The following ACOXL variants were observed in gnomAD, a reference collection of about 807,000 sequenced individuals.
The protein encoded by ACOXL is acyl-coenzyme A oxidase-like protein.
Under a neutral mutation model 71.9 loss-of-function variants are expected in ACOXL, and 70 were observed. That is an observed-to-expected ratio of 0.97 (90% confidence interval 0.80 to 1.19). ACOXL has a LOEUF of 1.19. Among genes scored for constraint, ACOXL ranks in the 50% most tolerant of loss-of-function variants. The probability of loss-of-function intolerance (pLI) is 0.00; values close to 1 mark genes in which losing one functional copy is unlikely to be tolerated. For missense variants in ACOXL, 703 were observed against 736.3 expected (o/e 0.95, Z 0.52); for synonymous variants, 253 against 281.6 (o/e 0.90, Z 1.02).
Position 111,060,168 on chromosome 2 carries a change from C to T in ACOXL, c.1440+10880C>T, listed in dbSNP as rs546275376. ...ACTTGGCAGTAATGAGGCCTCCCTT[C>T]CCCTCCTGCCTCACTACAGTGACAC... On this transcript the variant is annotated intron_variant, in intron 16 of 17. Coordinates refer to ENST00000439055, the MANE Select transcript of ACOXL (RefSeq NM_001142807.4). Among the ~76,000 whole-genome samples, 123 of 152,272 alleles carry T rather than the reference C, an allele frequency of 8.1e-4. 1 individual carries two copies. Among genetic ancestry groups the T allele is most frequent in the Non-Finnish European group, 1.9e-4 (13 of 68,014 alleles).
intron 10 of ACOXL, among the ~76,000 whole-genome samples, chr2:110,850,364 TAAAG>T (rs1205463023): frequency 6.6e-6 from 1 of 152,174 alleles, no homozygotes; most frequent in Non-Finnish European, 1.5e-5. Flanking sequence ...ACATATCTGA[TAAAG>T]AAGTTGTATC....
chr2:110,900,086 TACACACACACACACACACACACACACAC>T (rs60758688), intron 10 of ACOXL, among the ~76,000 whole-genome samples: 1 of 143,228 alleles, frequency 7.0e-6, no homozygotes, highest in East Asian at 2.0e-4. Context: ...CACACACACA[TACACACACACACACACACACACACACAC>T]ACACACACAC....
chr2:111,093,226 CAAAAAAAAA>C (rs551489527), intron 17 of ACOXL, among the ~76,000 whole-genome samples: 1 of 94,126 alleles, frequency 1.1e-5, no homozygotes, highest in Admixed American at 1.1e-4. Context: ...TTGTCTTGGC[CAAAAAAAAA>C]AAAAAAAAAG....
At chr2:111,089,085 G>C (rs906511036) in intron 16 of ACOXL, among the ~76,000 whole-genome samples, 6 of 152,152 alleles carry the variant, frequency 3.9e-5, no homozygotes, top group Non-Finnish European at 1.5e-5. Flanking sequence ...TGGATCACAA[G>C]GTCAAGAGAT....
chr2:110,864,133 C>G (rs974301163), intron 10 of ACOXL, among the ~76,000 whole-genome samples: 1 of 152,192 alleles, frequency 6.6e-6, no homozygotes, highest in Non-Finnish European at 1.5e-5. Flanking sequence ...CAGCAGGCGC[C>G]ATGAGAGCCA....
chr2:110,739,059 T>G (rs1440206157), intron 1 of ACOXL, among the ~76,000 whole-genome samples: 1 of 152,260 alleles, frequency 6.6e-6, no homozygotes, highest in East Asian at 1.9e-4. Context: ...TATTCTCTGC[T>G]TTGTCTCTGT....
At chr2:110,978,352 G>T in intron 12 of ACOXL, among the ~76,000 whole-genome samples, 1 of 152,164 alleles carries the variant, frequency 6.6e-6, no homozygotes, top group East Asian at 1.9e-4. Context: ...GAGCCCTCAT[G>T]GCATAATCAC....
At chr2:110,990,809 C>T (rs973325568) in intron 13 of ACOXL, among the ~76,000 whole-genome samples, 12 of 152,158 alleles carry the variant, frequency 7.9e-5, no homozygotes, top group African/African-American at 2.7e-4. Context: ...TTTTGCCGAT[C>T]ATCTAATGTT....
At chr2:111,031,557 C>T in intron 14 of ACOXL, 70 bp from the exon 15 acceptor site, 1 of 1,410,746 alleles carries the variant, frequency 7.1e-7, no homozygotes, top group East Asian at 2.3e-5. Context: ...TGTTTGCCGT[C>T]TGTCTTGCTA....
chr2:110,970,056 A>ATGT (rs978220721), intron 12 of ACOXL, among the ~76,000 whole-genome samples: 42 of 152,106 alleles, frequency 2.8e-4, no homozygotes, highest in African/African-American at 9.9e-4. Flanking sequence ...TTAAAGAAGA[A>ATGT]TGTTACTCTC....
intron 17 of ACOXL, among the ~76,000 whole-genome samples, chr2:111,096,548 C>CA (rs532689074): frequency 1.1e-3 from 169 of 152,244 alleles, no homozygotes; most frequent in Non-Finnish European, 1.7e-3. Flanking sequence ...TCATGCATGT[C>CA]ACTTTTTCGT....
intron 1 of ACOXL, among the ~76,000 whole-genome samples, chr2:110,741,259 T>C (rs1368183476): frequency 6.6e-6 from 1 of 152,178 alleles, no homozygotes; most frequent in Non-Finnish European, 1.5e-5. Flanking sequence ...AAATGTATTG[T>C]CTCAGAGTTC....
chr2:110,970,825 A>C (rs1301066916), intron 12 of ACOXL, among the ~76,000 whole-genome samples: 1 of 152,224 alleles, frequency 6.6e-6, no homozygotes. Context: ...ATCTAACTCA[A>C]AATGAATTAC....
chr2:110,887,761 A>T (rs1039056701), intron 10 of ACOXL: 1 of 152,208 alleles, frequency 6.6e-6, no homozygotes, highest in East Asian at 1.9e-4. Flanking sequence ...TGCTGTCCCC[A>T]TTATTGACTG....
chr2:111,109,671 A>ATTTTT (rs869081161), intron 17 of ACOXL, among the ~76,000 whole-genome samples: 1,044 of 75,662 alleles, frequency 0.014, 149 homozygotes, highest in African/African-American at 0.019. Context: ...TTCTCCTTCT[A>ATTTTT]TTTTTTTTTT....
chr2:110,790,833 T>G (rs1684558235), intron 3 of ACOXL, among the ~76,000 whole-genome samples: 1 of 152,176 alleles, frequency 6.6e-6, no homozygotes, highest in Non-Finnish European at 1.5e-5. Context: ...TCCCAGCCCC[T>G]CCTCCAAGCT....
intron 11 of ACOXL, among the ~76,000 whole-genome samples, chr2:110,930,203 T>C (rs1327783681): frequency 2.0e-5 from 3 of 152,176 alleles, no homozygotes; most frequent in East Asian, 3.9e-4. Flanking sequence ...CCCAAGACCA[T>C]GGGAACCCAC....
intron 16 of ACOXL, among the ~76,000 whole-genome samples, chr2:111,067,042 G>C (rs1377089377): frequency 6.6e-6 from 1 of 152,144 alleles, no homozygotes; most frequent in Non-Finnish European, 1.5e-5. Context: ...CCTGACAACA[G>C]ATACTGCATC....
Position 111,038,998 on chromosome 2 carries a change from ATCT to A in ACOXL, c.1369+7289_1369+7291del, listed in dbSNP as rs1213995986. Among the ~76,000 whole-genome samples, 2 of 152,210 alleles carry A rather than the reference ATCT, an allele frequency of 1.3e-5. 1 individual carries two copies. The highest frequency in any genetic ancestry group is 6.3e-3 in the Middle Eastern group (2 of 316). On this transcript the variant is annotated intron_variant, in intron 15 of 17. Transcript: ENST00000439055. ...TAATCTGTATGTTTCAAATGTGGCCATCTTCTTTAAAGGTGCCTCCTGGCATGT... is the reference window on the plus strand; with the variant it reads ...TAATCTGTATGTTTCAAATGTGGCCATCTTTAAAGGTGCCTCCTGGCATGT...
Sources: gnomAD v4.1 joint callset for allele counts (sites outside exome capture counted in the v4.1 genomes callset) on GRCh38, gnomAD v4.1.1 for gene constraint, MANE v1.5 for transcripts, NCBI Gene and HGNC (gene_info 2026-07-23, HGNC 2026-07-21) for gene names.